Variants in CEP97 observed in about 807,000 individuals in gnomAD.
CEP97 encodes the protein centrosomal protein 97.
Under a neutral mutation model 73.1 loss-of-function variants are expected in CEP97, and 43 were observed. The observed-to-expected ratio is 0.59, with a 90% CI of 0.46 to 0.76. The LOEUF is 0.76. CEP97 is among the 30% of genes least tolerant of loss of function. The pLI is 0.00. For missense variants in CEP97, 939 were observed against 1,014.0 expected (o/e 0.93, Z 1.00); for synonymous variants, 337 against 370.0 (o/e 0.91, Z 1.02).
rs184221418 is a variant in CEP97, at chr3:101,747,352, C to A, written c.729-8078C>A. Among the ~76,000 whole-genome samples, 967 of 146,430 alleles carry A rather than the reference C, an allele frequency of 6.6e-3. 11 individuals are homozygous for A. Among genetic ancestry groups the A allele is most frequent in the African/African-American group, 0.022 (876 of 39,538 alleles). On this transcript the variant is annotated intron_variant, in intron 6 of 10. Transcript: ENST00000341893. ...TCGGCTCACTGCAAGCTCTGCCTCC[C>A]GTATTCTGGCCATTCTCCTGCCTCA...
chr3:101,747,226 G>A (rs893412963), intron 6 of CEP97, among the ~76,000 whole-genome samples: 1 of 150,180 alleles, frequency 6.7e-6, no homozygotes, highest in Non-Finnish European at 1.5e-5. Flanking sequence ...CATTTTAAAA[G>A]CAAATATCAG....
chr3:101,755,489 A>C lies in CEP97; in HGVS notation c.788A>C (p.His263Pro), dbSNP rs1168113465. The stretch of plus-strand genomic sequence containing the variant: ...GGGAGAGCATATCGGCCTGGCCAGC[A>C]CATCCAGCTTGTCCAATATCTGGCT... ...GKGRAYRPGQ[H>P]IQLVQYLATV... Residue 263 changes from histidine (H) to proline (P), a missense_variant, in exon 7 of 11, where the codon CAC becomes CCC. Transcript: ENST00000341893. 3.1e-6 allele frequency: 5 copies of C among 1,614,024 alleles called. No individual in the cohort carries two copies. In the Admixed American group the frequency reaches 8.3e-5, roughly 27 times the overall value.
At chr3:101,727,607 A>G in intron 3 of CEP97, 66 bp downstream of exon 3, 1 of 1,453,668 alleles carries the variant, frequency 6.9e-7, no homozygotes, top group Non-Finnish European at 9.3e-7. Flanking sequence ...ATGTAGAAAT[A>G]AGTCAAATTA....
At chr3:101,725,986 G>A (rs1035425034) in intron 1 of CEP97, among the ~76,000 whole-genome samples, 1 of 151,006 alleles carries the variant, frequency 6.6e-6, no homozygotes, top group Non-Finnish European at 1.5e-5. Context: ...TCAATAATTT[G>A]CCTAATATAC....
chr3:101,739,573 C>T (rs2107148417), intron 6 of CEP97, among the ~76,000 whole-genome samples: 1 of 152,250 alleles, frequency 6.6e-6, no homozygotes, highest in Non-Finnish European at 1.5e-5. Flanking sequence ...ATAAAAACCA[C>T]ATGATTATCT....
At chr3:101,738,352 ATATC>A (rs1359830549) in intron 6 of CEP97, among the ~76,000 whole-genome samples, 1 of 152,202 alleles carries the variant, frequency 6.6e-6, no homozygotes, top group Non-Finnish European at 1.5e-5. Flanking sequence ...GACCTAATAG[ATATC>A]TACAGAACTC....
In CEP97 at chr3:101,757,929, A is replaced by C; in HGVS notation, c.1323A>C (p.Lys441Asn). The C allele has an allele frequency of 6.2e-7, 1 of 1,614,260 alleles. No homozygotes were observed. The highest frequency in any genetic ancestry group is 1.3e-5 in the African/African-American group (1 of 75,070). Residue 441 changes from lysine to asparagine, a missense_variant, in exon 9 of 11, where the codon AAA becomes AAC. Coordinates refer to ENST00000341893, the MANE Select transcript of CEP97 (RefSeq NM_024548.4). Reference protein sequence around the residue: ...EDDGVADESVKGLESQVLDKE... With the variant: ...EDDGVADESVNGLESQVLDKE... ...ATGGTGTTGCAGATGAATCTGTGAA[A>C]GGGCTGGAAAGCCAGGTGTTGGATA...
At chr3:101,745,558 A>C (rs1382216305) in intron 6 of CEP97, among the ~76,000 whole-genome samples, 4 of 148,730 alleles carry the variant, frequency 2.7e-5, no homozygotes, top group African/African-American at 9.8e-5. Flanking sequence ...AAGCCACTGC[A>C]CCTAGCCAAT....
At chr3:101,763,114 G>T (rs753168083) in intron 10 of CEP97, 2 of 1,179,318 alleles carry the variant, frequency 1.7e-6, no homozygotes, top group South Asian at 1.3e-5. Flanking sequence ...TATAGAAATG[G>T]GGTCTTGCCA....
intron 6 of CEP97, among the ~76,000 whole-genome samples, chr3:101,741,683 A>G (rs1938459124): frequency 6.6e-6 from 1 of 152,224 alleles, no homozygotes; most frequent in African/African-American, 2.4e-5. Flanking sequence ...TGGTCATTAG[A>G]GAAATGCAAA....
At chr3:101,733,891 A>G (rs1367425426) in intron 6 of CEP97, among the ~76,000 whole-genome samples, 1 of 151,598 alleles carries the variant, frequency 6.6e-6, no homozygotes, top group African/African-American at 2.4e-5. Flanking sequence ...CAATGGCGCG[A>G]TCTCTGCTCA....
intron 9 of CEP97, among the ~76,000 whole-genome samples, chr3:101,760,578 C>T (rs185988232): frequency 1.6e-3 from 244 of 152,108 alleles, no homozygotes; most frequent in African/African-American, 5.6e-3. Flanking sequence ...GTCTTGCCCT[C>T]TTGCTGAGGC....
intron 6 of CEP97, among the ~76,000 whole-genome samples, chr3:101,740,434 G>A (rs1167207272): frequency 6.6e-6 from 1 of 152,136 alleles, no homozygotes; most frequent in East Asian, 1.9e-4. Flanking sequence ...TCTTCAAGGA[G>A]AACTACAAAC....
intron 6 of CEP97, 30 bp downstream of exon 6, chr3:101,732,684 G>A (rs1938151879): frequency 1.3e-6 from 2 of 1,562,962 alleles, no homozygotes; most frequent in Non-Finnish European, 1.7e-6. Flanking sequence ...CATCACAAAT[G>A]TTACTGAAAA....
intron 1 of CEP97, 71 bp from the exon 2 acceptor site, chr3:101,726,523 C>T: frequency 4.5e-6 from 5 of 1,121,234 alleles, no homozygotes; most frequent in Non-Finnish European, 5.0e-6. Context: ...TTTATAATTC[C>T]AGCCCTATGC....
chr3:101,744,948 A>G (rs1938568648), intron 6 of CEP97, among the ~76,000 whole-genome samples: 1 of 152,230 alleles, frequency 6.6e-6, no homozygotes, highest in Middle Eastern at 3.2e-3. Context: ...TGATAACATC[A>G]GGTAGCTAGA....
At chr3:101,747,564 T>TC (rs1311951079) in intron 6 of CEP97, among the ~76,000 whole-genome samples, 2 of 145,932 alleles carry the variant, frequency 1.4e-5, no homozygotes, top group Admixed American at 1.4e-4. Context: ...TGGCCTTCCT[T>TC]TTTTTTTTTT....
intron 6 of CEP97, among the ~76,000 whole-genome samples, chr3:101,748,765 C>G (rs1188180086): frequency 6.6e-6 from 1 of 152,094 alleles, no homozygotes; most frequent in Non-Finnish European, 1.5e-5. Flanking sequence ...CTCAGTCTCC[C>G]GAGTAGCTGG....
intron 5 of CEP97, 21 bp downstream of exon 5, chr3:101,731,974 G>A (rs746410340): frequency 2.2e-6 from 3 of 1,352,704 alleles, no homozygotes; most frequent in African/African-American, 1.4e-5. Context: ...AGGGTATTTT[G>A]TGAGATTCAG....
Sources: gnomAD v4.1 joint callset for allele counts (sites outside exome capture counted in the v4.1 genomes callset) on GRCh38, gnomAD v4.1.1 for gene constraint, MANE v1.5 for transcripts, NCBI Gene and HGNC (gene_info 2026-07-23, HGNC 2026-07-21) for gene names.